Variants in PRRC2C observed in about 807,000 individuals in gnomAD.
PRRC2C encodes the protein proline rich coiled-coil 2C.
PRRC2C carries 72 observed loss-of-function variants against 317.2 expected under a neutral mutation model. That is an observed-to-expected ratio of 0.23 (90% confidence interval 0.19 to 0.28). PRRC2C has a LOEUF of 0.28. PRRC2C is among the 10% of genes least tolerant of loss of function. The pLI, the probability that PRRC2C is intolerant of heterozygous loss-of-function variation, is 1.00. For synonymous variants in PRRC2C, 1,296 were observed against 1,205.9 expected, an observed-to-expected ratio of 1.07 and a Z score of -1.55; for missense variants, 3,074 against 3,459.7, an observed-to-expected ratio of 0.89 and a Z score of 2.80.
chr1:171,581,874 G>T (rs1272388395), intron 28 of PRRC2C, among the ~76,000 whole-genome samples: 2 of 152,260 alleles, frequency 1.3e-5, no homozygotes, highest in South Asian at 4.2e-4. Flanking sequence ...TTTGATTTAG[G>T]TGCTTATTCT....
At chr1:171,516,014 C>T (rs929228733) in intron 5 of PRRC2C, among the ~76,000 whole-genome samples, 155 bp downstream of exon 5, 1 of 152,100 alleles carries the variant, frequency 6.6e-6, no homozygotes, top group Non-Finnish European at 1.5e-5. Flanking sequence ...ATTTTTGCAC[C>T]GACAGTATCA....
chr1:171,515,605 T>G, intron 4 of PRRC2C, 129 bp from the exon 5 acceptor site: 1 of 772,554 alleles, frequency 1.3e-6, no homozygotes, highest in Non-Finnish European at 2.0e-6. Context: ...GTGATATGGC[T>G]ATGAACAGTC....
At position 171,593,225 on chromosome 1, in the gene PRRC2C, A is replaced by G. The variant is rs891744635; in HGVS notation, c.*1378A>G. 6.7e-6 allele frequency: 1 copy of G among 149,312 alleles called. No homozygotes were observed. Among genetic ancestry groups the G allele is most frequent in the Non-Finnish European group, 1.5e-5 (1 of 67,500 alleles). The allele number at this position is 149,312 out of a possible 1,614,324, so 9.2% of individuals were successfully genotyped here. A position where few individuals can be genotyped will look rare whatever the true frequency, so the allele number is the denominator to read the frequency against. On this transcript the variant is annotated 3_prime_UTR_variant, in exon 35 of 35. Coordinates refer to ENST00000647382, the MANE Select transcript of PRRC2C (RefSeq NM_001387844.1). ...GAAAAGCTGTTGCTGCTATTGATGC[A>G]TAACATACTGCTATTGGTCTTTTTA...
At chr1:171,585,025 C>T (rs1478494832) in intron 30 of PRRC2C, among the ~76,000 whole-genome samples, 3 of 152,184 alleles carry the variant, frequency 2.0e-5, no homozygotes, top group African/African-American at 7.2e-5. Context: ...GATCTGCCTG[C>T]CTCGGCCTTC....
chr1:171,545,080 T>A (rs1241187079), intron 16 of PRRC2C, among the ~76,000 whole-genome samples: 7 of 152,200 alleles, frequency 4.6e-5, no homozygotes, highest in East Asian at 1.9e-4. Context: ...GAATGCTTTT[T>A]AAAAATTTTT....
chr1:171,563,602 G>A (rs991287701), intron 20 of PRRC2C, among the ~76,000 whole-genome samples: 1 of 152,092 alleles, frequency 6.6e-6, no homozygotes, highest in African/African-American at 2.4e-5. Context: ...TTTTTGTATA[G>A]CCTATAGGTG....
At chr1:171,569,435 C>T (rs906688690) in intron 23 of PRRC2C, among the ~76,000 whole-genome samples, 5 of 150,906 alleles carry the variant, frequency 3.3e-5, no homozygotes, top group Non-Finnish European at 7.4e-5. Flanking sequence ...AAGGACTGTA[C>T]TAAATATGTA....
At chr1:171,579,601 A>C in intron 27 of PRRC2C, 135 bp downstream of exon 27, 6 of 1,415,190 alleles carry the variant, frequency 4.2e-6, no homozygotes, top group Non-Finnish European at 5.5e-6. Flanking sequence ...TATAAGCAAA[A>C]TTTAAAATTT....
At chr1:171,512,423 C>T in intron 2 of PRRC2C, 1 of 401,000 alleles carries the variant, frequency 2.5e-6, no homozygotes, top group South Asian at 2.1e-5. Flanking sequence ...TTGTTTTTCT[C>T]TGTTGTCAGC....
At chr1:171,550,431 T>C (rs1209752299) in intron 18 of PRRC2C, among the ~76,000 whole-genome samples, 191 bp downstream of exon 18, 1 of 151,488 alleles carries the variant, frequency 6.6e-6, no homozygotes, top group Non-Finnish European at 1.5e-5. Context: ...ATAAGGACTG[T>C]AGCTCCTTAT....
In PRRC2C at chr1:171,530,307, G is replaced by A. The variant is rs951807507; in HGVS notation, c.1255-2036G>A. Among the ~76,000 whole-genome samples, 4 of 126,256 alleles carry A rather than the reference G, an allele frequency of 3.2e-5. No individual in the cohort carries two copies. In the Admixed American group the frequency reaches 3.9e-4, roughly 12 times the overall value. The allele number at this position is 126,256 out of a possible 152,430, so 82.8% of individuals were successfully genotyped here. ...TGCTCTGTTGCCGAGGCTGGAGCAA[G>A]ATCTCAGCTCATTGCAGCCTAAACC... On this transcript the variant is annotated intron_variant, in intron 11 of 34. Coordinates refer to ENST00000647382, the MANE Select transcript of PRRC2C (RefSeq NM_001387844.1).
intron 1 of PRRC2C, among the ~76,000 whole-genome samples, chr1:171,492,153 C>T (rs1177079188): frequency 6.6e-6 from 1 of 152,018 alleles, no homozygotes; most frequent in African/African-American, 2.4e-5. Context: ...ATTTTTGTAG[C>T]CCCCACAACT....
At position 171,575,117 on chromosome 1, in the gene PRRC2C, C is replaced by T. The variant is rs754096037; in HGVS notation, c.6944C>T (p.Ala2315Val). The change falls in exon 25 of 35, where the codon GCA (alanine) becomes GTA (valine). Residue 2315 changes from alanine (A) to valine (V), a missense_variant. Physicochemically the swap from Ala to Val is moderately conservative, Grantham distance 64. Around this residue, in one of 11 missense-constraint regions of PRRC2C, gnomAD observed 490 missense variants for 663.1 expected, o/e 0.74. Coordinates refer to ENST00000647382, the MANE Select transcript of PRRC2C (RefSeq NM_001387844.1). ...QIPVASVTPTASLSGAGTYTT... is the reference protein window; with the variant it reads ...QIPVASVTPTVSLSGAGTYTT... The stretch of plus-strand genomic sequence containing the variant: ...CCTGTTGCTTCAGTCACTCCTACAG[C>T]ATCACTATCAGGTAGAACTTTTTCG... The T allele has an allele frequency of 3.1e-6, 5 of 1,612,834 alleles. No individual in the cohort carries two copies. The highest frequency in any genetic ancestry group is 2.2e-5 in the South Asian group (2 of 90,990).
intron 16 of PRRC2C, among the ~76,000 whole-genome samples, chr1:171,544,471 G>C (rs1045469374): frequency 2.6e-5 from 4 of 152,150 alleles, no homozygotes; most frequent in Admixed American, 2.6e-4. Context: ...GCATTAGTTT[G>C]CTGTTCCAGA....
rs1195235565 is a variant in PRRC2C, at chr1:171,589,378, C to G, written c.8209C>G (p.Gln2737Glu). The G allele has an allele frequency of 7.9e-7, 1 of 1,260,072 alleles. No individual in the cohort carries two copies. The allele number at this position is 1,260,072 out of a possible 1,614,324, so 78.1% of individuals were successfully genotyped here. ...PTQFAPQILS[Q>E]PNLVPPLVRA... ...TGTTTTTTTCACTCAGATTCTCTCC[C>G]AGCCTAACCTGGTCCCTCCATTGGT... Residue 2737 changes from glutamine (Q) to glutamate (E), a missense_variant, in exon 34 of 35, where the codon CAG (glutamine) becomes GAG (glutamate). Transcript: ENST00000647382.
chr1:171,587,080 T>G lies in PRRC2C; in HGVS notation c.7827T>G (p.Pro2609=). 6.2e-7 allele frequency: 1 copy of G among 1,611,900 alleles called. No individual in the cohort carries two copies. Among genetic ancestry groups the G allele is most frequent in the Non-Finnish European group, 8.5e-7 (1 of 1,179,088 alleles). ...GSTGQPLIAL[P]QTLQPPLQHT... Reference sequence around the variant, plus strand: ...CAGGGCAACCTCTAATTGCTTTGCCTCAGACTCTTCAGCCCCCATTACAGC... The same window carrying G: ...CAGGGCAACCTCTAATTGCTTTGCCGCAGACTCTTCAGCCCCCATTACAGC... The change falls in exon 31 of 35, where the codon CCT becomes CCG. Residue 2609 remains proline (P), a synonymous_variant. Transcript: ENST00000647382.
At chr1:171,503,318 G>C (rs1361524285) in intron 1 of PRRC2C, among the ~76,000 whole-genome samples, 1 of 152,132 alleles carries the variant, frequency 6.6e-6, no homozygotes, top group Non-Finnish European at 1.5e-5. Context: ...GAGGTCAGGA[G>C]TTCGAGACTA....
In PRRC2C at chr1:171,514,622, A is replaced by G. The variant is rs1488050632; in HGVS notation, c.377A>G (p.Asn126Ser). 1 of 1,557,962 alleles carries G rather than the reference A, an allele frequency of 6.4e-7. No homozygotes were observed. Among genetic ancestry groups the G allele is most frequent in the Non-Finnish European group, 8.7e-7 (1 of 1,150,858 alleles). The change falls in exon 4 of 35, where the codon AAC becomes AGC. Residue 126 changes from asparagine to serine, a missense_variant. Coordinates refer to ENST00000647382, the MANE Select transcript of PRRC2C (RefSeq NM_001387844.1). ...VAPAPKSWAS[N>S]KQGGQGDGIQ... ...CCTGCTCCCAAATCATGGGCCAGTA[A>G]CAAGCAAGGTGGGCAAGGAGATGGT...
chr1:171,589,434 G>A lies in PRRC2C; in HGVS notation c.8265G>A (p.Ala2755=), dbSNP rs563883225. ...CCCCACATACTAACACCTTCCCAGCGCCTGTTCAGAGGCCACCAATGGCAC... is the reference window on the plus strand; with the variant it reads ...CCCCACATACTAACACCTTCCCAGCACCTGTTCAGAGGCCACCAATGGCAC... ...VRAPHTNTFP[A]PVQRPPMALA... is the part of the protein sequence containing the mutation. Residue 2755 remains alanine (A), a synonymous_variant, in exon 34 of 35, where the codon GCG becomes GCA. Transcript: ENST00000647382. The A allele has an allele frequency of 3.7e-5, 48 of 1,288,392 alleles. No individual in the cohort carries two copies. The highest frequency in any genetic ancestry group is 1.5e-4 in the South Asian group (12 of 80,896). 79.8% of individuals were successfully genotyped at this position (1,288,392 alleles called of 1,614,324 possible).
Sources: gnomAD v4.1 joint callset for allele counts (sites outside exome capture counted in the v4.1 genomes callset) on GRCh38, gnomAD v4.1.1 for gene constraint, gnomAD v4.1.1 regional missense constraint, MANE v1.5 for transcripts, NCBI Gene and HGNC (gene_info 2026-07-23, HGNC 2026-07-21) for gene names.